The following SLC39A11 variants were observed in gnomAD, a reference collection of about 807,000 sequenced individuals.
SLC39A11 encodes zinc transporter ZIP11.
In SLC39A11, 33 loss-of-function variants were observed where a neutral mutation model predicts 36.1. The observed-to-expected ratio is 0.91, with a 90% CI of 0.69 to 1.22. The LOEUF is 1.22. SLC39A11 is among the 50% of genes most tolerant of loss of function. The pLI is 0.00. For missense variants in SLC39A11, 432 were observed against 430.3 expected (o/e 1.00, Z -0.03); for synonymous variants, 166 against 170.3 (o/e 0.97, Z 0.20).
At chr17:72,666,050 T>A (rs1033416832) in intron 7 of SLC39A11, among the ~76,000 whole-genome samples, 19 of 152,168 alleles carry the variant, frequency 1.2e-4, no homozygotes, top group Admixed American at 1.2e-3. Context: ...TGCTCCCAGC[T>A]GCGTGTAATC....
At chr17:73,042,345 G>A (rs550122108) in intron 3 of SLC39A11, among the ~76,000 whole-genome samples, 1 of 152,328 alleles carries the variant, frequency 6.6e-6, no homozygotes, top group East Asian at 1.9e-4. Flanking sequence ...AGGTAGGACA[G>A]GAAGACACAG....
intron 7 of SLC39A11, among the ~76,000 whole-genome samples, chr17:72,687,044 T>G (rs932892548): frequency 6.6e-6 from 1 of 152,206 alleles, no homozygotes; most frequent in African/African-American, 2.4e-5. Context: ...GTTGCTGTTG[T>G]TGAGACAGGG....
intron 7 of SLC39A11, among the ~76,000 whole-genome samples, chr17:72,669,839 A>T (rs2070916000): frequency 6.6e-6 from 1 of 151,908 alleles, no homozygotes; most frequent in African/African-American, 2.4e-5. Context: ...TACAAAACAA[A>T]CTATATGTAT....
intron 6 of SLC39A11, among the ~76,000 whole-genome samples, chr17:72,770,009 T>G (rs898785596): frequency 6.6e-6 from 1 of 152,190 alleles, no homozygotes; most frequent in Admixed American, 6.5e-5. Context: ...CTACATCTAT[T>G]GATTGGCGTC....
chr17:72,908,152 G>A (rs756664019), intron 5 of SLC39A11, among the ~76,000 whole-genome samples: 20 of 152,152 alleles, frequency 1.3e-4, no homozygotes, highest in African/African-American at 2.2e-4. Context: ...TTCAGTGGCC[G>A]TCCTCACTGA....
intron 4 of SLC39A11, among the ~76,000 whole-genome samples, chr17:72,991,922 AC>A (rs1478656021): frequency 6.6e-6 from 1 of 152,216 alleles, no homozygotes. Context: ...CAAATTACTC[AC>A]CAAGATGGTT....
intron 1 of SLC39A11, among the ~76,000 whole-genome samples, chr17:73,089,441 G>A (rs2060852629): frequency 6.6e-6 from 1 of 152,096 alleles, no homozygotes; most frequent in African/African-American, 2.4e-5. Flanking sequence ...GTTCCCTCCT[G>A]GAATACCTTC....
chr17:72,923,858 A>C (rs2083855521), intron 5 of SLC39A11, among the ~76,000 whole-genome samples: 1 of 152,124 alleles, frequency 6.6e-6, no homozygotes, highest in Non-Finnish European at 1.5e-5. Context: ...TAAAGAAAAA[A>C]AATGGGCCAG....
chr17:72,825,433 C>T (rs932856755), intron 6 of SLC39A11, among the ~76,000 whole-genome samples: 1 of 152,180 alleles, frequency 6.6e-6, no homozygotes, highest in Non-Finnish European at 1.5e-5. Flanking sequence ...AGGGGTGGAG[C>T]CCTCATGGAG....
chr17:72,861,740 TTATA>T (rs71945815), intron 5 of SLC39A11, among the ~76,000 whole-genome samples: 4,172 of 66,610 alleles, frequency 0.063, 139 homozygotes, highest in Admixed American at 0.081. Context: ...ACATTGGAGA[TTATA>T]TATATATATA....
chr17:72,733,971 C>A (rs1420256483), intron 7 of SLC39A11, among the ~76,000 whole-genome samples: 1 of 152,160 alleles, frequency 6.6e-6, no homozygotes, highest in Non-Finnish European at 1.5e-5. Flanking sequence ...CTTGTGTCAA[C>A]AGGCACAACA....
At chr17:73,008,158 T>G (rs1188070174) in intron 4 of SLC39A11, among the ~76,000 whole-genome samples, 2 of 75,590 alleles carry the variant, frequency 2.6e-5, no homozygotes, top group Admixed American at 2.2e-4. Flanking sequence ...TTTGTTGTTT[T>G]TTTTTTGTTT....
chr17:73,054,829 T>C lies in SLC39A11; in HGVS notation c.148-23115A>G, dbSNP rs558021900. On this transcript the variant is annotated intron_variant, in intron 3 of 9. Transcript: ENST00000255559. ...TCTCAAAAAAAAAAAAAAAAAGAATTTAGAGACAAGTGCTGGGGAGAGCTG... is the reference window on the plus strand; with the variant it reads ...TCTCAAAAAAAAAAAAAAAAAGAATCTAGAGACAAGTGCTGGGGAGAGCTG... Among the ~76,000 whole-genome samples the C allele has an allele frequency of 3.3e-5, 5 of 149,392 alleles. 1 individual carries two copies. The South Asian group carries it at 1.1e-3, about 32-fold the overall frequency.
chr17:73,072,375 G>A (rs1365048471), intron 3 of SLC39A11: 1 of 152,166 alleles, frequency 6.6e-6, no homozygotes, highest in Non-Finnish European at 1.5e-5. Context: ...ACTGTTTGCA[G>A]GGCTCTGGGC....
intron 5 of SLC39A11, among the ~76,000 whole-genome samples, chr17:72,909,615 C>G (rs2082856681): frequency 1.3e-5 from 2 of 152,130 alleles, no homozygotes; most frequent in African/African-American, 4.8e-5. Context: ...TCAGCTTCCA[C>G]AGGTTCCCAA....
In SLC39A11 at chr17:72,940,832, C is replaced by T. The variant is rs373487949; in HGVS notation, c.430+6920G>A. Among the ~76,000 whole-genome samples the T allele has an allele frequency of 9.2e-5, 14 of 152,308 alleles. No homozygotes were observed. The East Asian group carries it at 1.9e-3, about 21-fold the overall frequency. ...TTCAGCGCAACTATGGCCTGAATCA[C>T]GTCCCCCGCTTCAAATTTCTATGTT... On this transcript the variant is annotated intron_variant, in intron 5 of 9. Transcript: ENST00000255559.
intron 5 of SLC39A11, among the ~76,000 whole-genome samples, chr17:72,924,701 A>G (rs900006941): frequency 6.6e-6 from 1 of 152,142 alleles, no homozygotes; most frequent in African/African-American, 2.4e-5. Flanking sequence ...TCCCAGAGGG[A>G]GAAGTCAAAA....
chr17:72,980,505 C>T (rs1372131994), intron 4 of SLC39A11, among the ~76,000 whole-genome samples: 1 of 151,876 alleles, frequency 6.6e-6, no homozygotes, highest in Non-Finnish European at 1.5e-5. Flanking sequence ...TGAAACAAAG[C>T]TTGTAAAAAA....
At position 72,736,735 on chromosome 17, in the gene SLC39A11, G is replaced by A; in HGVS notation, c.602-16C>T. 6.2e-7 allele frequency: 1 copy of A among 1,606,818 alleles called. No homozygotes were observed. The highest frequency in any genetic ancestry group is 8.5e-7 in the Non-Finnish European group (1 of 1,173,514). On this transcript the variant is annotated splice_polypyrimidine_tract_variant and intron_variant, in intron 6 of 9. Transcript: ENST00000255559. ...GCGAGACCCTCTGAAATAGATGTAA[G>A]AAAAGCAAGAGGGGTTAGGAATATT...
Sources: gnomAD v4.1 joint callset for allele counts (sites outside exome capture counted in the v4.1 genomes callset) on GRCh38, gnomAD v4.1.1 for gene constraint, MANE v1.5 for transcripts, NCBI Gene and HGNC (gene_info 2026-07-23, HGNC 2026-07-21) for gene names.